EYS: variants seen among roughly 807,000 people sequenced by gnomAD.
EYS encodes the protein protein eyes shut homolog.
A neutral mutation model predicts 282.1 loss-of-function variants in EYS; 250 were observed. That is an observed-to-expected ratio of 0.89 (90% CI 0.80 to 0.98). The LOEUF (loss-of-function observed/expected upper bound fraction) is 0.98. EYS is among the 50% of genes least tolerant of loss of function. EYS has a pLI of 0.00. For missense variants in EYS, 4,016 were observed against 3,709.0 expected (o/e 1.08, Z -2.15); for synonymous variants, 1,355 against 1,282.9 (o/e 1.06, Z -1.20).
At chr6:65,079,050 A>G (rs906143480) in intron 12 of EYS, among the ~76,000 whole-genome samples, 4 of 151,892 alleles carry the variant, frequency 2.6e-5, no homozygotes. Flanking sequence ...CTGTAAGACA[A>G]TTAATTCTCT....
At chr6:65,407,691 A>G (rs1229455700) in intron 5 of EYS, among the ~76,000 whole-genome samples, 2 of 151,840 alleles carry the variant, frequency 1.3e-5, no homozygotes. Context: ...ATATTAGATC[A>G]TGTCATTTGT....
intron 19 of EYS, among the ~76,000 whole-genome samples, chr6:64,878,627 C>T (rs944384365): frequency 2.6e-5 from 4 of 152,012 alleles, no homozygotes; most frequent in South Asian, 4.2e-4. Context: ...TCCCTCCCCC[C>T]ACTCATAATT....
intron 29 of EYS, among the ~76,000 whole-genome samples, chr6:64,351,914 C>T (rs951904399): frequency 6.6e-6 from 1 of 151,460 alleles, no homozygotes; most frequent in East Asian, 1.9e-4. Context: ...TGATTATTTA[C>T]TATATCAGGG....
chr6:63,877,847 G>C (rs1773018869), intron 35 of EYS, among the ~76,000 whole-genome samples: 1 of 152,098 alleles, frequency 6.6e-6, no homozygotes, highest in Non-Finnish European at 1.5e-5. Flanking sequence ...TCTCTACACT[G>C]TTTATTCTAG....
intron 30 of EYS, among the ~76,000 whole-genome samples, chr6:64,296,571 TATATATATATATACATA>T (rs1561913663): frequency 1.1e-4 from 1 of 8,802 alleles, no homozygotes; most frequent in African/African-American, 7.8e-4. Context: ...TATATATATA[TATATATATATATACATA>T]TATATATATA....
intron 31 of EYS, among the ~76,000 whole-genome samples, chr6:64,192,583 G>A (rs1186631150): frequency 6.6e-6 from 1 of 152,020 alleles, no homozygotes; most frequent in Non-Finnish European, 1.5e-5. Flanking sequence ...AATGGGGAAA[G>A]GATTCCCTAT....
rs1189597673 is a variant in EYS at position 64,610,506 on chromosome 6, C to T, written c.3684+6912G>A. Among the ~76,000 whole-genome samples the T allele has an allele frequency of 3.3e-5, 5 of 149,722 alleles. 1 individual carries two copies. Among genetic ancestry groups the T allele is most frequent in the Admixed American group, 1.3e-4 (2 of 14,816 alleles). ...GCCAGCTCCAAATCCCCGGTTCAAGCGATCCTTGTGCATTGGCCTCTCCAG... is the reference window on the plus strand; with the variant it reads ...GCCAGCTCCAAATCCCCGGTTCAAGTGATCCTTGTGCATTGGCCTCTCCAG... On this transcript the variant is annotated intron_variant, in intron 24 of 42. Transcript: ENST00000503581.
chr6:64,379,727 A>G (rs1295907843), intron 29 of EYS: 3 of 152,196 alleles, frequency 2.0e-5, no homozygotes, highest in Non-Finnish European at 4.4e-5. Context: ...GCGGAACACA[A>G]TAGAATTTGT....
intron 31 of EYS, among the ~76,000 whole-genome samples, chr6:64,189,553 C>G (rs1302419634): frequency 6.6e-6 from 1 of 152,160 alleles, no homozygotes; most frequent in Non-Finnish European, 1.5e-5. Flanking sequence ...AAACACCAAC[C>G]TAGGTGTTGC....
At chr6:64,316,941 C>T (rs1014231691) in intron 29 of EYS, among the ~76,000 whole-genome samples, 5 of 152,160 alleles carry the variant, frequency 3.3e-5, no homozygotes, top group African/African-American at 1.2e-4. Flanking sequence ...TTTGACAAAC[C>T]TGATAAAAAC....
chr6:65,023,350 T>C (rs926373807), intron 13 of EYS, among the ~76,000 whole-genome samples: 1 of 152,126 alleles, frequency 6.6e-6, no homozygotes, highest in Non-Finnish European at 1.5e-5. Flanking sequence ...AATTTCCAAA[T>C]GATTATTTTT....
intron 22 of EYS, among the ~76,000 whole-genome samples, chr6:64,793,777 T>C (rs950054773): frequency 1.6e-4 from 24 of 152,078 alleles, no homozygotes; most frequent in South Asian, 2.1e-4. Context: ...CAAATGTCTT[T>C]ATGAACAATT....
At chr6:64,680,819 G>C (rs1164850366) in intron 22 of EYS, among the ~76,000 whole-genome samples, 2 of 152,158 alleles carry the variant, frequency 1.3e-5, no homozygotes, top group Non-Finnish European at 2.9e-5. Context: ...GAGTGACTCA[G>C]AGATTTTGCC....
intron 12 of EYS, among the ~76,000 whole-genome samples, chr6:65,119,052 G>T (rs1257200327): frequency 6.6e-6 from 1 of 151,964 alleles, no homozygotes; most frequent in East Asian, 1.9e-4. Flanking sequence ...TAATGGAAAT[G>T]GAATGAGGGG....
At chr6:65,553,845 C>A (rs3857535) in intron 2 of EYS, among the ~76,000 whole-genome samples, 31,965 of 151,876 alleles carry the variant, frequency 0.21, 3,716 homozygotes, top group East Asian at 0.31. Flanking sequence ...TTTATTATTA[C>A]ATACTCATAT....
intron 14 of EYS, among the ~76,000 whole-genome samples, chr6:64,960,013 T>C (rs1176356685): frequency 1.3e-5 from 2 of 151,994 alleles, no homozygotes; most frequent in Non-Finnish European, 2.9e-5. Context: ...GTCACAATGA[T>C]TGATGTTTTA....
intron 22 of EYS, among the ~76,000 whole-genome samples, chr6:64,767,600 A>G (rs76711166): frequency 2.6e-5 from 4 of 152,278 alleles, no homozygotes; most frequent in African/African-American, 9.6e-5. Context: ...CCATATTGAC[A>G]CAAATAACAA....
At chr6:64,282,831 T>C (rs1029310984) in intron 30 of EYS, among the ~76,000 whole-genome samples, 3 of 152,208 alleles carry the variant, frequency 2.0e-5, no homozygotes, top group African/African-American at 7.2e-5. Context: ...ATTCAAAAGA[T>C]ACTATGAATC....
At chr6:64,573,771 A>C (rs1765796760) in intron 26 of EYS, among the ~76,000 whole-genome samples, 1 of 152,194 alleles carries the variant, frequency 6.6e-6, no homozygotes, top group African/African-American at 2.4e-5. Flanking sequence ...AAAAGTCAGG[A>C]AACAACAGAT....
Sources: gnomAD v4.1 joint callset for allele counts (sites outside exome capture counted in the v4.1 genomes callset) on GRCh38, gnomAD v4.1.1 for gene constraint, MANE v1.5 for transcripts, NCBI Gene and HGNC (gene_info 2026-07-23, HGNC 2026-07-21) for gene names.